The following DSCAM variants were observed in gnomAD, a reference collection of about 807,000 sequenced individuals.
The protein encoded by DSCAM is DS cell adhesion molecule.
In DSCAM, 47 loss-of-function variants were observed where a neutral mutation model predicts 217.7. The ratio of observed to expected loss-of-function variants is 0.22; its 90% CI spans 0.17 to 0.28. The LOEUF is 0.28. Ranked by LOEUF, DSCAM falls within the 10% of genes least tolerant of loss-of-function variation. The pLI is 1.00. For missense variants in DSCAM, 2,080 were observed against 2,618.3 expected, an observed-to-expected ratio of 0.79 and a Z score of 4.49; for synonymous variants, 1,056 against 1,015.3, an observed-to-expected ratio of 1.04 and a Z score of -0.76.
chr21:40,395,381 T>C (rs1267308861), intron 3 of DSCAM, among the ~76,000 whole-genome samples: 1 of 152,054 alleles, frequency 6.6e-6, no homozygotes, highest in African/African-American at 2.4e-5. Flanking sequence ...CTCTTTGGTA[T>C]CCAGCTGTAA....
chr21:40,168,139 A>G (rs1188778932), intron 15 of DSCAM, among the ~76,000 whole-genome samples: 11 of 152,218 alleles, frequency 7.2e-5, no homozygotes, highest in Non-Finnish European at 1.6e-4. Flanking sequence ...AAGCAATGTT[A>G]AAGAGGAAAC....
Position 40,595,813 on chromosome 21 carries a change from TAC to T in DSCAM, c.508+96995_508+96996del, listed in dbSNP as rs968003522. 5.3e-4 allele frequency among the ~76,000 whole-genome samples: 81 copies of T among 152,370 alleles called. No homozygotes were observed. In the Middle Eastern group the frequency reaches 0.01, roughly 19 times the overall value. ...AGAAGCAAGCAAGTTGTAGCATTACTACAGTCTTTGGATCCAAACATCGCGAA... is the reference window on the plus strand; with the variant it reads ...AGAAGCAAGCAAGTTGTAGCATTACTAGTCTTTGGATCCAAACATCGCGAA... On this transcript the variant is annotated intron_variant, in intron 3 of 32. Coordinates refer to ENST00000400454, the MANE Select transcript of DSCAM (RefSeq NM_001389.5).
At chr21:40,554,263 A>G (rs534700784) in intron 3 of DSCAM, among the ~76,000 whole-genome samples, 74 of 152,066 alleles carry the variant, frequency 4.9e-4, no homozygotes, top group Non-Finnish European at 6.5e-4. Flanking sequence ...TTAGAACATA[A>G]CTGCAAACAA....
intron 28 of DSCAM, among the ~76,000 whole-genome samples, chr21:40,059,832 T>C (rs1202905085): frequency 6.6e-6 from 1 of 152,190 alleles, no homozygotes; most frequent in Non-Finnish European, 1.5e-5. Flanking sequence ...TGCCAGTTCC[T>C]TTGACTTCTA....
intron 1 of DSCAM, among the ~76,000 whole-genome samples, chr21:40,786,129 G>C (rs999888827): frequency 2.6e-5 from 4 of 152,086 alleles, no homozygotes; most frequent in Admixed American, 6.5e-5. Flanking sequence ...CCAGCTACTT[G>C]GGAGGCTGAG....
At chr21:40,729,298 CTG>C (rs2090989045) in intron 1 of DSCAM, among the ~76,000 whole-genome samples, 1 of 152,170 alleles carries the variant, frequency 6.6e-6, no homozygotes, top group Non-Finnish European at 1.5e-5. Flanking sequence ...TAAGCAGTGA[CTG>C]TGTTTGGGCT....
At chr21:40,825,266 TTTCCTTCC>T (rs142604153) in intron 1 of DSCAM, among the ~76,000 whole-genome samples, 14,748 of 139,940 alleles carry the variant, frequency 0.11, 814 homozygotes, top group East Asian at 0.15. Flanking sequence ...ATTTTCTTTC[TTTCCTTCC>T]TTCCTTCCTT....
At chr21:40,576,541 C>T (rs1017815879) in intron 3 of DSCAM, among the ~76,000 whole-genome samples, 7 of 152,022 alleles carry the variant, frequency 4.6e-5, no homozygotes, top group Admixed American at 2.6e-4. Context: ...TGATCAGTGC[C>T]TTTTATTGTA....
chr21:40,811,721 T>G (rs1251174331), intron 1 of DSCAM, among the ~76,000 whole-genome samples: 2 of 152,216 alleles, frequency 1.3e-5, no homozygotes, highest in Non-Finnish European at 2.9e-5. Context: ...TGGGTCACTT[T>G]CCAGGCCTAG....
intron 3 of DSCAM, among the ~76,000 whole-genome samples, chr21:40,602,475 TATTA>T (rs1464249662): frequency 1.3e-5 from 2 of 152,198 alleles, no homozygotes; most frequent in Non-Finnish European, 2.9e-5. Context: ...TTTGGAAGGT[TATTA>T]ATTATTGAGT....
chr21:40,702,573 C>G (rs1357413405), intron 2 of DSCAM, among the ~76,000 whole-genome samples: 1 of 152,158 alleles, frequency 6.6e-6, no homozygotes, highest in Non-Finnish European at 1.5e-5. Flanking sequence ...TAAATCCAAT[C>G]TGGCAATTTC....
chr21:40,271,789 A>C (rs992455856), intron 11 of DSCAM, among the ~76,000 whole-genome samples: 1 of 152,192 alleles, frequency 6.6e-6, no homozygotes, highest in African/African-American at 2.4e-5. Context: ...TTACAGGTGC[A>C]GTCGCTCTGC....
intron 3 of DSCAM, among the ~76,000 whole-genome samples, chr21:40,398,637 CTTT>C (rs538905441): frequency 2.3e-5 from 3 of 132,102 alleles, no homozygotes; most frequent in Non-Finnish European, 3.2e-5. Flanking sequence ...TTTTTTCTTT[CTTT>C]TTTTTTTTTT....
At chr21:40,394,734 A>C (rs2075163281) in intron 3 of DSCAM, among the ~76,000 whole-genome samples, 1 of 152,192 alleles carries the variant, frequency 6.6e-6, no homozygotes, top group Admixed American at 6.5e-5. Context: ...GAGGTTTTGG[A>C]TAATGGATGA....
intron 1 of DSCAM, among the ~76,000 whole-genome samples, chr21:40,828,165 G>A (rs2091984640): frequency 6.6e-6 from 1 of 152,200 alleles, no homozygotes; most frequent in Admixed American, 6.5e-5. Flanking sequence ...CACTTTGGGA[G>A]GCTGAGGCGG....
chr21:40,304,316 A>G (rs2074048143), intron 9 of DSCAM, among the ~76,000 whole-genome samples: 1 of 152,252 alleles, frequency 6.6e-6, no homozygotes, highest in African/African-American at 2.4e-5. Flanking sequence ...CACGTCACTC[A>G]GCCTTCATAG....
At chr21:40,466,578 T>C (rs1386153186) in intron 3 of DSCAM, among the ~76,000 whole-genome samples, 1 of 151,588 alleles carries the variant, frequency 6.6e-6, no homozygotes. Context: ...TAAATGGACT[T>C]GAAACTGTTT....
chr21:40,209,085 G>A (rs2091156307), intron 11 of DSCAM, among the ~76,000 whole-genome samples: 1 of 152,204 alleles, frequency 6.6e-6, no homozygotes, highest in Non-Finnish European at 1.5e-5. Flanking sequence ...GGCTCAGAGA[G>A]GCTGCCTGTA....
In DSCAM at chr21:40,241,307, C is replaced by T. The variant is rs576012818; in HGVS notation, c.2356+34790G>A. 5.3e-5 allele frequency among the ~76,000 whole-genome samples: 8 copies of T among 152,074 alleles called. No homozygotes were observed. In the East Asian group the frequency reaches 9.7e-4, roughly 18 times the overall value. On this transcript the variant is annotated intron_variant, in intron 11 of 32. Transcript: ENST00000400454. ...AATTTACAAGGGAAAAACAAACAAC[C>T]CCATTAAAAATTGGGCAAAGGATAT... is the stretch of plus-strand genomic sequence containing the variant.
Sources: allele counts gnomAD v4.1 joint callset (sites outside exome capture counted in the v4.1 genomes callset), GRCh38; gene constraint gnomAD v4.1.1; transcripts MANE v1.5; gene names NCBI Gene and HGNC (gene_info 2026-07-23, HGNC 2026-07-21).